The following PTH1R variants were observed in gnomAD, a reference collection of about 807,000 sequenced individuals.
PTH1R encodes parathyroid hormone/parathyroid hormone-related peptide receptor.
In PTH1R, 32 loss-of-function variants were observed where a neutral mutation model predicts 70.7. The ratio of observed to expected loss-of-function variants is 0.45; its 90% confidence interval spans 0.34 to 0.61. The LOEUF is 0.61. Ranked by LOEUF, PTH1R falls within the 20% of genes least tolerant of loss-of-function variation. The pLI is 0.01. For synonymous variants in PTH1R, 329 were observed against 324.8 expected (o/e 1.01, Z -0.14); for missense variants, 626 against 792.5 (o/e 0.79, Z 2.52).
intron 3 of PTH1R, among the ~76,000 whole-genome samples, chr3:46,890,050 G>A (rs1474323113): frequency 6.6e-6 from 1 of 152,178 alleles, no homozygotes; most frequent in African/African-American, 2.4e-5. Context: ...CAGGGCAGAG[G>A]CAGAGGAGGG....
intron 3 of PTH1R, among the ~76,000 whole-genome samples, chr3:46,885,192 TC>T (rs1205123508): frequency 1.3e-5 from 2 of 152,092 alleles, no homozygotes; most frequent in Admixed American, 6.6e-5. Flanking sequence ...GGCATGGTGT[TC>T]ATCTGGGTCT....
Position 46,903,788 on chromosome 3 carries a change from A to G in PTH1R, c.*132A>G. On this transcript the variant is annotated 3_prime_UTR_variant, in exon 16 of 16. Coordinates refer to ENST00000449590, the MANE Select transcript of PTH1R (RefSeq NM_000316.3). The surrounding 1 kb of genome is among the most constrained non-coding windows in gnomAD (Gnocchi z 4.4). ...GGGAAAAAAAGAAAAAAAAAAGAAA[A>G]AGGAAAAGGAAGCGGTGTGTGGCTT... is the stretch of plus-strand genomic sequence containing the variant. The G allele has an allele frequency of 7.1e-7, 1 of 1,416,482 alleles. No homozygotes were observed. Among genetic ancestry groups the G allele is most frequent in the Non-Finnish European group, 9.5e-7 (1 of 1,055,296 alleles). The allele number at this position is 1,416,482 out of a possible 1,614,324, so 87.7% of individuals were successfully genotyped here.
rs1391311126 is a variant in PTH1R, at chr3:46,893,398, T to C, written c.76-509T>C. Among the ~76,000 whole-genome samples the C allele has an allele frequency of 6.6e-6, 1 of 152,070 alleles. No individual in the cohort carries two copies. The highest frequency in any genetic ancestry group is 2.4e-5 in the African/African-American group (1 of 41,392). On this transcript the variant is annotated intron_variant, in intron 3 of 15. Transcript: ENST00000449590. This position sits in a 1 kb window ranked among gnomAD's most constrained non-coding sequence, Gnocchi z 5.2. ...CACTCACCGTTCACTGGGGACAGCA[T>C]TGACTGGGGAGCTGGGCCAAGATGG...
chr3:46,898,876 G>C lies in PTH1R; in HGVS notation c.834+19G>C. Reference sequence around the variant, plus strand: ...CGGCTACGTGAGTACCCCTCTGCCCGCCCGCTCCCGGTGCCGCCACTGGCC... The same window carrying C: ...CGGCTACGTGAGTACCCCTCTGCCCCCCCGCTCCCGGTGCCGCCACTGGCC... On this transcript the variant is annotated intron_variant, in intron 9 of 15. Transcript: ENST00000449590. 1 of 1,485,178 alleles carries C rather than the reference G, an allele frequency of 6.7e-7. No homozygotes were observed. Among genetic ancestry groups the C allele is most frequent in the Non-Finnish European group, 9.0e-7 (1 of 1,112,748 alleles). 92.0% of individuals were successfully genotyped at this position (1,485,178 alleles called of 1,614,324 possible). A position where few individuals can be genotyped will look rare whatever the true frequency, so the allele number is the denominator to read the frequency against.
chr3:46,895,666 C>A (rs1287247785), intron 4 of PTH1R, 69 bp from the exon 5 acceptor site: 1 of 1,612,168 alleles, frequency 6.2e-7, no homozygotes, highest in Non-Finnish European at 8.5e-7. Context: ...GAGTCTGAGG[C>A]CAAAGAGTAC....
At position 46,892,207 on chromosome 3, in the gene PTH1R, A is replaced by G. The variant is rs1378416191; in HGVS notation, c.76-1700A>G. On this transcript the variant is annotated intron_variant, in intron 3 of 15. Coordinates refer to ENST00000449590, the MANE Select transcript of PTH1R (RefSeq NM_000316.3). The surrounding 1 kb of genome is among the most constrained non-coding windows in gnomAD (Gnocchi z 5.2). ...TCCAGCCCTTCCTGGGGTCCATAGT[A>G]CCAGCGGAGATCTCAGGGTCCACCT... Among the ~76,000 whole-genome samples the G allele has an allele frequency of 6.6e-6, 1 of 152,140 alleles. No individual in the cohort carries two copies. Among genetic ancestry groups the G allele is most frequent in the Non-Finnish European group, 1.5e-5 (1 of 68,018 alleles).
chr3:46,882,766 G>A lies in PTH1R; in HGVS notation c.-48-746G>A, dbSNP rs992119348. ...GGAGCTAGAGACGGACTGACAGACA[G>A]GCAGACCGACAGAGCGTCGGGGCCG... On this transcript the variant is annotated intron_variant, in intron 2 of 15. Coordinates refer to ENST00000449590, the MANE Select transcript of PTH1R (RefSeq NM_000316.3). The surrounding 1 kb of genome is among the most constrained non-coding windows in gnomAD (Gnocchi z 4.3). 7.2e-5 allele frequency among the ~76,000 whole-genome samples: 11 copies of A among 152,228 alleles called. No homozygotes were observed. The highest frequency in any genetic ancestry group is 2.4e-4 in the African/African-American group (10 of 41,548).
At chr3:46,878,399 TG>T (rs1301980530) in intron 1 of PTH1R, among the ~76,000 whole-genome samples, 28 of 152,118 alleles carry the variant, frequency 1.8e-4, no homozygotes, top group Admixed American at 1.8e-3. Context: ...AGGCACAACC[TG>T]GGGTCAGAGT....
chr3:46,884,020 T>C lies in PTH1R; in HGVS notation c.75+386T>C, dbSNP rs1342837766. Among the ~76,000 whole-genome samples, 2 of 152,184 alleles carry C rather than the reference T, an allele frequency of 1.3e-5. No individual in the cohort carries two copies. Among genetic ancestry groups the C allele is most frequent in the Non-Finnish European group, 2.9e-5 (2 of 68,026 alleles). ...TTTGGGGACCTCTGTTTTCTGCAAGTTTTGTTGCAGTCCCGGACACAGGGA... is the reference window on the plus strand; with the variant it reads ...TTTGGGGACCTCTGTTTTCTGCAAGCTTTGTTGCAGTCCCGGACACAGGGA... On this transcript the variant is annotated intron_variant, in intron 3 of 15. Coordinates refer to ENST00000449590, the MANE Select transcript of PTH1R (RefSeq NM_000316.3). This position sits in a 1 kb window ranked among gnomAD's most constrained non-coding sequence, Gnocchi z 4.8.
intron 9 of PTH1R, among the ~76,000 whole-genome samples, 187 bp downstream of exon 9, chr3:46,899,044 C>T (rs576645811): frequency 6.6e-6 from 1 of 152,322 alleles, no homozygotes; most frequent in African/African-American, 2.4e-5. Context: ...CTGCCAAGGG[C>T]TCCGAGTGTC....
chr3:46,895,969 T>C (rs2031727490), intron 5 of PTH1R, 100 bp downstream of exon 5: 22 of 1,460,910 alleles, frequency 1.5e-5, no homozygotes, highest in Non-Finnish European at 2.0e-5. Flanking sequence ...TTGGCTCTTA[T>C]AGAAAGTAAA....
In PTH1R at chr3:46,901,160, G is replaced by C; in HGVS notation, c.1049+75G>C. The C allele has an allele frequency of 6.6e-7, 1 of 1,504,330 alleles. No homozygotes were observed. 93.2% of individuals were successfully genotyped at this position (1,504,330 alleles called of 1,614,324 possible). On this transcript the variant is annotated intron_variant, in intron 11 of 15. Transcript: ENST00000449590. This position sits in a 1 kb window ranked among gnomAD's most constrained non-coding sequence, Gnocchi z 7.3. Reference sequence around the variant, plus strand: ...TTTTCTTCCAGGAAGCATGTGAGAGGGCCTCCTGTACCCTGGCCTCAAACG... The same window carrying C: ...TTTTCTTCCAGGAAGCATGTGAGAGCGCCTCCTGTACCCTGGCCTCAAACG...
intron 3 of PTH1R, among the ~76,000 whole-genome samples, chr3:46,886,620 G>A (rs1391264979): frequency 6.6e-6 from 1 of 152,144 alleles, no homozygotes; most frequent in Admixed American, 6.5e-5. Context: ...GCCTCCCAAA[G>A]TGCTGGGATT....
At chr3:46,881,506 C>A (rs1007566188) in intron 2 of PTH1R, among the ~76,000 whole-genome samples, 1 of 152,184 alleles carries the variant, frequency 6.6e-6, no homozygotes, top group Non-Finnish European at 1.5e-5. Context: ...CCAGGTCTGG[C>A]AGCCTCGAGC....
At position 46,893,886 on chromosome 3, in the gene PTH1R, G is replaced by A; in HGVS notation, c.76-21G>A. ...GCTGCGCCGGAAAGTCCTGCCTGTG[G>A]TCTGACCTTCGGCTTGGCAGGTGGA... On this transcript the variant is annotated intron_variant, in intron 3 of 15. Transcript: ENST00000449590. The surrounding 1 kb of genome is among the most constrained non-coding windows in gnomAD (Gnocchi z 5.2). 2 of 1,612,560 alleles carry A rather than the reference G, an allele frequency of 1.2e-6. No individual in the cohort carries two copies. The highest frequency in any genetic ancestry group is 8.5e-7 in the Non-Finnish European group (1 of 1,178,974).
Position 46,903,091 on chromosome 3 carries a change from G to A in PTH1R, c.1396-179G>A, listed in dbSNP as rs533147537. 5 of 1,225,380 alleles carry A rather than the reference G, an allele frequency of 4.1e-6. No individual in the cohort carries two copies. Among genetic ancestry groups the A allele is most frequent in the Middle Eastern group, 2.4e-4 (1 of 4,102 alleles). The allele number at this position is 1,225,380 out of a possible 1,614,324, so 75.9% of individuals were successfully genotyped here. The stretch of plus-strand genomic sequence containing the variant: ...GGCAATTTGAGCCTTGTAGATTCTG[G>A]GTGTGTCGGCTGCCTGTAGCCAAAC... On this transcript the variant is annotated intron_variant, in intron 15 of 15. Transcript: ENST00000449590. This position sits in a 1 kb window ranked among gnomAD's most constrained non-coding sequence, Gnocchi z 4.4.
At chr3:46,890,496 CTTTTTTTTTTTT>C (rs71619664) in intron 3 of PTH1R, among the ~76,000 whole-genome samples, 2 of 72,368 alleles carry the variant, frequency 2.8e-5, no homozygotes, top group Non-Finnish European at 2.6e-5. Context: ...TTCACAGCAG[CTTTTTTTTTTTT>C]TTTTTTTTTT....
chr3:46,898,054 G>C lies in PTH1R; in HGVS notation c.425-20G>C, dbSNP rs2031858594. The C allele has an allele frequency of 6.2e-7, 1 of 1,613,886 alleles. No homozygotes were observed. The stretch of plus-strand genomic sequence containing the variant: ...GCCTCGAGACCTCCCTGCCGGCCCT[G>C]ACCTCCCATGGACCTGCAGGCCATG... On this transcript the variant is annotated intron_variant, in intron 6 of 15. Transcript: ENST00000449590.
chr3:46,901,129 G>T lies in PTH1R; in HGVS notation c.1049+44G>T, dbSNP rs1189624823. On this transcript the variant is annotated intron_variant, in intron 11 of 15. Transcript: ENST00000449590. The surrounding 1 kb of genome is among the most constrained non-coding windows in gnomAD (Gnocchi z 7.3). ...GGGGCCCAGGCAAGAAGCACCCCTG[G>T]GTCCCTTTTCTTCCAGGAAGCATGT... 1.3e-6 allele frequency: 2 copies of T among 1,551,878 alleles called. No homozygotes were observed. Among genetic ancestry groups the T allele is most frequent in the Non-Finnish European group, 1.7e-6 (2 of 1,145,476 alleles).
Sources: gnomAD v4.1 joint callset for allele counts (sites outside exome capture counted in the v4.1 genomes callset) on GRCh38, gnomAD v4.1.1 for gene constraint, Gnocchi (gnomAD v3.1) non-coding constraint, MANE v1.5 for transcripts, NCBI Gene and HGNC (gene_info 2026-07-23, HGNC 2026-07-21) for gene names.